Variants in KIAA0825 observed in about 807,000 individuals in gnomAD.
KIAA0825 encodes uncharacterized protein KIAA0825.
In KIAA0825, 119 loss-of-function variants were observed where a neutral mutation model predicts 147.6. That is an observed-to-expected ratio of 0.81 (90% CI 0.69 to 0.94). KIAA0825 has a LOEUF of 0.94. Ranked by LOEUF, KIAA0825 falls within the 40% of genes least tolerant of loss-of-function variation. The probability of loss-of-function intolerance (pLI) is 0.00; values close to 1 mark genes in which losing one functional copy is unlikely to be tolerated. For synonymous variants in KIAA0825, 470 were observed against 518.1 expected (o/e 0.91, Z 1.26); for missense variants, 1,381 against 1,472.7 (o/e 0.94, Z 1.02).
intron 20 of KIAA0825, among the ~76,000 whole-genome samples, chr5:94,209,161 G>A (rs956529426): frequency 4.6e-5 from 7 of 152,028 alleles, no homozygotes; most frequent in Admixed American, 2.0e-4. Context: ...GTGAAAATTC[G>A]GTCAGTTTCA....
intron 5 of KIAA0825, among the ~76,000 whole-genome samples, chr5:94,485,224 C>CT (rs150180334): frequency 0.051 from 7,544 of 147,350 alleles, 606 homozygotes; most frequent in African/African-American, 0.17. Flanking sequence ...CGCAATTCTG[C>CT]TTTTTTTTTT....
At chr5:94,456,400 A>C (rs1231521188) in intron 12 of KIAA0825, among the ~76,000 whole-genome samples, 1 of 151,858 alleles carries the variant, frequency 6.6e-6, no homozygotes, top group Non-Finnish European at 1.5e-5. Flanking sequence ...CCCTTTCACA[A>C]CCTCATCCCC....
intron 14 of KIAA0825, among the ~76,000 whole-genome samples, chr5:94,427,567 T>A (rs1293955140): frequency 6.6e-6 from 1 of 152,176 alleles, no homozygotes; most frequent in Non-Finnish European, 1.5e-5. Flanking sequence ...TTTATGGTAC[T>A]TATTATTAGT....
chr5:94,583,193 G>A (rs1782560509), intron 1 of KIAA0825, among the ~76,000 whole-genome samples: 1 of 152,206 alleles, frequency 6.6e-6, no homozygotes, highest in Non-Finnish European at 1.5e-5. Context: ...GCAGCCCATG[G>A]AGGGTGAGCC....
At chr5:94,305,728 T>A (rs1041474238) in intron 20 of KIAA0825, among the ~76,000 whole-genome samples, 1 of 151,962 alleles carries the variant, frequency 6.6e-6, no homozygotes, top group Non-Finnish European at 1.5e-5. Context: ...GAAAGGGTTT[T>A]GACATGCCAA....
chr5:94,594,274 C>T (rs1184513728), intron 1 of KIAA0825: 1 of 629,184 alleles, frequency 1.6e-6, no homozygotes, highest in Non-Finnish European at 3.1e-6. Flanking sequence ...TTGGAATGCC[C>T]TGAGTTTCAG....
chr5:94,434,483 A>C (rs1255909811), intron 14 of KIAA0825, among the ~76,000 whole-genome samples: 2 of 152,354 alleles, frequency 1.3e-5, no homozygotes, highest in East Asian at 3.9e-4. Context: ...CACAGAGTGA[A>C]ACAAAAAGCT....
At chr5:94,447,252 T>TG (rs972496754) in intron 13 of KIAA0825, among the ~76,000 whole-genome samples, 23 of 151,984 alleles carry the variant, frequency 1.5e-4, no homozygotes, top group African/African-American at 4.3e-4. Flanking sequence ...GATATGGATT[T>TG]GGGGGGGCAC....
At chr5:94,257,309 C>T (rs4309955) in intron 20 of KIAA0825, among the ~76,000 whole-genome samples, 130,261 of 152,068 alleles carry the variant, frequency 0.86, 55,893 homozygotes, top group South Asian at 0.88. Context: ...CTTGTCTTCA[C>T]TGTCAATCAA....
chr5:94,517,841 T>C (rs1209147129), intron 5 of KIAA0825, among the ~76,000 whole-genome samples: 1 of 152,052 alleles, frequency 6.6e-6, no homozygotes, highest in East Asian at 1.9e-4. Flanking sequence ...AAATATCCTA[T>C]TTTTCAGTCA....
At chr5:94,410,736 T>G (rs892297136) in intron 15 of KIAA0825, among the ~76,000 whole-genome samples, 2 of 152,168 alleles carry the variant, frequency 1.3e-5, no homozygotes, top group Non-Finnish European at 2.9e-5. Context: ...AAAAAAATTC[T>G]GAACCTAGAA....
rs1585025486 is a variant in KIAA0825 at position 94,606,605 on chromosome 5, C to T, written c.-153+11895G>A. 3.9e-5 allele frequency among the ~76,000 whole-genome samples: 6 copies of T among 151,986 alleles called. No individual in the cohort carries two copies. The South Asian group carries it at 1.2e-3, about 32-fold the overall frequency. On this transcript the variant is annotated intron_variant, in intron 1 of 20. Transcript: ENST00000682413. ...AGGGAGCCCATATCAGAAATAAGGC[C>T]GCATATCTACAACTATGTGATTTTT...
intron 20 of KIAA0825, among the ~76,000 whole-genome samples, chr5:94,263,952 T>C (rs1269299707): frequency 6.6e-6 from 1 of 152,196 alleles, no homozygotes; most frequent in Non-Finnish European, 1.5e-5. Flanking sequence ...GTTACCAGTC[T>C]TAACTCCAAC....
intron 15 of KIAA0825, among the ~76,000 whole-genome samples, chr5:94,410,716 G>GA (rs1752645349): frequency 6.6e-6 from 1 of 151,908 alleles, no homozygotes; most frequent in Non-Finnish European, 1.5e-5. Context: ...AAGGAAAAAC[G>GA]AAAAAGAACA....
At chr5:94,489,545 G>A (rs1476692871) in intron 5 of KIAA0825, among the ~76,000 whole-genome samples, 1 of 148,250 alleles carries the variant, frequency 6.7e-6, no homozygotes, top group Non-Finnish European at 1.5e-5. Context: ...CCAAAAAGTT[G>A]CTATTGCATA....
rs73142943 is a variant in KIAA0825 at position 94,367,724 on chromosome 5, A to G, written c.3710+16644T>C. Among the ~76,000 whole-genome samples the G allele has an allele frequency of 6.4e-3, 979 of 152,320 alleles. 9 individuals carry two copies. The highest frequency in any genetic ancestry group is 0.022 in the African/African-American group (931 of 41,570). On this transcript the variant is annotated intron_variant, in intron 20 of 20. Transcript: ENST00000682413. ...TTTGAAGTGGAAGAGTGGCAGAAAA[A>G]GAAAATATATTTAAAAATCTCTGTA...
chr5:94,264,882 A>C (rs1776672147), intron 20 of KIAA0825, among the ~76,000 whole-genome samples: 1 of 151,500 alleles, frequency 6.6e-6, no homozygotes, highest in Non-Finnish European at 1.5e-5. Flanking sequence ...TCCCAGGTAC[A>C]AGTGATTCTC....
chr5:94,530,924 G>A (rs531929918), intron 3 of KIAA0825, among the ~76,000 whole-genome samples: 2 of 152,216 alleles, frequency 1.3e-5, no homozygotes, highest in African/African-American at 4.8e-5. Flanking sequence ...ATGAAGTCTG[G>A]ATTTTCAGTA....
At chr5:94,202,781 G>GT (rs1352567952) in intron 20 of KIAA0825, among the ~76,000 whole-genome samples, 7 of 152,130 alleles carry the variant, frequency 4.6e-5, no homozygotes, top group African/African-American at 1.7e-4. Flanking sequence ...TGTGAACATA[G>GT]GAAAATTACC....
Sources: gnomAD v4.1 joint callset for allele counts (sites outside exome capture counted in the v4.1 genomes callset) on GRCh38, gnomAD v4.1.1 for gene constraint, MANE v1.5 for transcripts, NCBI Gene and HGNC (gene_info 2026-07-23, HGNC 2026-07-21) for gene names.